The following TMEM44 variants were observed in gnomAD, a reference collection of about 807,000 sequenced individuals.
TMEM44 encodes transmembrane protein 44.
Under a neutral mutation model 47.8 loss-of-function variants are expected in TMEM44, and 43 were observed. The observed-to-expected ratio is 0.90, with a 90% confidence interval of 0.70 to 1.16. TMEM44 has a LOEUF of 1.16. Ranked by LOEUF, TMEM44 falls within the 50% of genes most tolerant of loss-of-function variation. The pLI is 0.00. For missense variants in TMEM44, 568 were observed against 555.2 expected, an observed-to-expected ratio of 1.02 and a Z score of -0.23; for synonymous variants, 277 against 238.8, an observed-to-expected ratio of 1.16 and a Z score of -1.48.
chr3:194,601,950 C>T (rs1006638460), intron 9 of TMEM44, among the ~76,000 whole-genome samples: 2 of 152,162 alleles, frequency 1.3e-5, no homozygotes, highest in African/African-American at 4.8e-5. Context: ...ACAAATGTTG[C>T]TTCTCCCTCC....
chr3:194,618,150 G>A (rs1174120126), intron 5 of TMEM44, among the ~76,000 whole-genome samples: 2 of 152,134 alleles, frequency 1.3e-5, no homozygotes, highest in African/African-American at 2.4e-5. Flanking sequence ...GCTGAGGCCC[G>A]GCCCTTCTCT....
intron 5 of TMEM44, 30 bp from the exon 6 acceptor site, chr3:194,617,299 G>A: frequency 2.3e-5 from 14 of 619,708 alleles, no homozygotes; most frequent in East Asian, 5.0e-5. Flanking sequence ...GGCTGGGCGG[G>A]AGAAGCAGCA....
At chr3:194,623,832 C>T in intron 3 of TMEM44, 137 bp from the exon 4 acceptor site, 2 of 1,130,988 alleles carry the variant, frequency 1.8e-6, no homozygotes, top group Non-Finnish European at 2.5e-6. Context: ...AGGCCAGCTC[C>T]TCCCCACCCT....
rs773953852 is a variant in TMEM44, at chr3:194,625,993, G to A, written c.265-3C>T. 7 of 1,606,366 alleles carry A rather than the reference G, an allele frequency of 4.4e-6. 1 individual carries two copies. The South Asian group carries it at 7.7e-5, about 18-fold the overall frequency. ...GCTAGGTAGGCACCAGTGAAAACCT[G>A]GGAGCAAACGGGAAGAGAGTCTTGG... On this transcript the variant is annotated splice_region_variant and splice_polypyrimidine_tract_variant and intron_variant, in intron 2 of 9. Transcript: ENST00000347147.
Position 194,633,328 on chromosome 3 carries a change from G to A in TMEM44, c.-113C>T, listed in dbSNP as rs1426854421. On this transcript the variant is annotated 5_prime_UTR_variant, in exon 1 of 10. Coordinates refer to ENST00000347147, the MANE Select transcript of TMEM44 (RefSeq NM_001011655.3). ...GCCCTTCTCTGGGTTCCGTTCCGCCGCGGCGCCTCCGGCCGAGCGCACCGA... is the reference window on the plus strand; with the variant it reads ...GCCCTTCTCTGGGTTCCGTTCCGCCACGGCGCCTCCGGCCGAGCGCACCGA... 4.6e-6 allele frequency: 2 copies of A among 433,448 alleles called. No homozygotes were observed. The highest frequency in any genetic ancestry group is 6.2e-6 in the Non-Finnish European group (2 of 322,708). The allele number at this position is 433,448 out of a possible 1,614,324, so 26.9% of individuals were successfully genotyped here. A position where few individuals can be genotyped will look rare whatever the true frequency, so the allele number is the denominator to read the frequency against.
At chr3:194,620,872 C>G (rs560180550) in intron 5 of TMEM44, among the ~76,000 whole-genome samples, 3 of 151,674 alleles carry the variant, frequency 2.0e-5, no homozygotes, top group African/African-American at 7.3e-5. Context: ...ACTAAAAATA[C>G]AAAAATTAGC....
chr3:194,619,066 C>T (rs1349660032), intron 5 of TMEM44, among the ~76,000 whole-genome samples: 1 of 152,254 alleles, frequency 6.6e-6, no homozygotes, highest in Non-Finnish European at 1.5e-5. Context: ...TAACCACCCA[C>T]CACCATGTTA....
In TMEM44 at chr3:194,611,479, T is replaced by C. The variant is rs147588163; in HGVS notation, c.913-459A>G. Among the ~76,000 whole-genome samples the C allele has an allele frequency of 6.0e-4, 91 of 152,296 alleles. 1 individual carries two copies. The East Asian group carries it at 0.015, about 25-fold the overall frequency. ...GTGATCCAGGCACTGCATTCCAGCCTAGGGGACAGAGTGAGACCCTGTCGT... is the reference window on the plus strand; with the variant it reads ...GTGATCCAGGCACTGCATTCCAGCCCAGGGGACAGAGTGAGACCCTGTCGT... On this transcript the variant is annotated intron_variant, in intron 7 of 9. Transcript: ENST00000347147. The surrounding 1 kb of genome is among the most constrained non-coding windows in gnomAD (Gnocchi z 4.2).
intron 9 of TMEM44, among the ~76,000 whole-genome samples, chr3:194,595,984 TC>T (rs1451098808): frequency 1.1e-4 from 17 of 152,052 alleles, no homozygotes; most frequent in African/African-American, 4.1e-4. Flanking sequence ...ATGAAAGGCT[TC>T]CTGGAGGAAG....
intron 5 of TMEM44, among the ~76,000 whole-genome samples, chr3:194,620,399 C>T (rs149324099): frequency 1.1e-4 from 17 of 152,214 alleles, no homozygotes; most frequent in African/African-American, 4.1e-4. Context: ...TTTCTGCCCC[C>T]ACACAGCCCT....
chr3:194,603,545 G>A (rs1033805636), intron 9 of TMEM44, among the ~76,000 whole-genome samples: 8 of 151,960 alleles, frequency 5.3e-5, no homozygotes, highest in African/African-American at 9.7e-5. Context: ...TTACAGGTGC[G>A]AACCACCACG....
chr3:194,595,774 C>T (rs900860719), intron 9 of TMEM44, among the ~76,000 whole-genome samples: 2 of 151,988 alleles, frequency 1.3e-5, no homozygotes, highest in Admixed American at 6.6e-5. Context: ...TACAGGCGTG[C>T]GCCACCATGC....
intron 8 of TMEM44, among the ~76,000 whole-genome samples, chr3:194,606,743 C>T (rs1251737019): frequency 1.3e-5 from 2 of 152,086 alleles, no homozygotes; most frequent in African/African-American, 4.8e-5. Context: ...AGTTTGAGAA[C>T]AGCCTGGACA....
intron 7 of TMEM44, among the ~76,000 whole-genome samples, chr3:194,614,451 T>C (rs532336599): frequency 3.7e-4 from 57 of 152,346 alleles, no homozygotes; most frequent in African/African-American, 1.3e-3. Flanking sequence ...GCAGCTCAGG[T>C]TGTAGTGCGG....
intron 7 of TMEM44, among the ~76,000 whole-genome samples, chr3:194,612,302 T>A (rs192472668): frequency 4.6e-4 from 70 of 152,252 alleles, no homozygotes; most frequent in African/African-American, 1.6e-3. Flanking sequence ...TAACAGTTGC[T>A]AGAAAGAAAT....
chr3:194,593,021 A>C, intron 9 of TMEM44: 1 of 1,613,758 alleles, frequency 6.2e-7, no homozygotes, highest in Non-Finnish European at 8.5e-7. Flanking sequence ...CTGGAAGAGA[A>C]AGAGCATGAT....
chr3:194,591,754 C>A (rs1712753253), intron 9 of TMEM44, among the ~76,000 whole-genome samples: 1 of 151,760 alleles, frequency 6.6e-6, no homozygotes, highest in South Asian at 2.1e-4. Flanking sequence ...CACAGGTACA[C>A]ACCACCACAC....
chr3:194,605,171 T>C (rs1442705418), intron 8 of TMEM44, among the ~76,000 whole-genome samples: 1 of 152,228 alleles, frequency 6.6e-6, no homozygotes, highest in South Asian at 2.1e-4. Context: ...TATCTATTTA[T>C]GTATCTGTCT....
chr3:194,630,837 G>A (rs1717731480), intron 1 of TMEM44, among the ~76,000 whole-genome samples: 1 of 148,788 alleles, frequency 6.7e-6, no homozygotes, highest in Non-Finnish European at 1.5e-5. Flanking sequence ...ATCACTGATA[G>A]GGCCTCTGAA....
Sources: allele counts gnomAD v4.1 joint callset (sites outside exome capture counted in the v4.1 genomes callset), GRCh38; gene constraint gnomAD v4.1.1; non-coding constraint Gnocchi (gnomAD v3.1); transcripts MANE v1.5; gene names NCBI Gene and HGNC (gene_info 2026-07-23, HGNC 2026-07-21).